JMJD1C: variants seen among roughly 807,000 people sequenced by gnomAD.
JMJD1C encodes jumonji domain-containing protein 1C.
Under a neutral mutation model 245.3 loss-of-function variants are expected in JMJD1C, and 31 were observed. That is an observed-to-expected ratio of 0.13 (90% CI 0.09 to 0.17). The LOEUF (loss-of-function observed/expected upper bound fraction) is 0.17. JMJD1C is among the 10% of genes least tolerant of loss of function. The pLI, the probability that JMJD1C is intolerant of heterozygous loss-of-function variation, is 1.00. For synonymous variants in JMJD1C, 1,057 were observed against 1,017.4 expected (o/e 1.04, Z -0.74); for missense variants, 2,691 against 3,000.2 (o/e 0.90, Z 2.41).
At chr10:63,203,752 G>A (rs964682208) in intron 10 of JMJD1C, 3 of 973,200 alleles carry the variant, frequency 3.1e-6, no homozygotes, top group African/African-American at 1.8e-5. Context: ...TAGCTTTAAT[G>A]TACTAAGAAA....
chr10:63,259,909 C>CT (rs1009789473), intron 3 of JMJD1C, among the ~76,000 whole-genome samples: 12 of 151,664 alleles, frequency 7.9e-5, no homozygotes, highest in African/African-American at 2.7e-4. Context: ...TGATACAGAA[C>CT]TTTTTTTTTG....
At chr10:63,480,532 G>A (rs1056573702) in intron 1 of JMJD1C, among the ~76,000 whole-genome samples, 6 of 151,532 alleles carry the variant, frequency 4.0e-5, no homozygotes, top group African/African-American at 1.2e-4. Flanking sequence ...TGGCACCCTA[G>A]AATGGCAGCA....
intron 2 of JMJD1C, among the ~76,000 whole-genome samples, chr10:63,298,672 C>A (rs1859713168): frequency 6.6e-6 from 1 of 152,140 alleles, no homozygotes; most frequent in African/African-American, 2.4e-5. Context: ...AACATTTCAA[C>A]CCGTAACATA....
rs192802189 is a variant in JMJD1C at position 63,395,323 on chromosome 10, A to C, written c.169-14841T>G. ...GAAACCCCGTCTCTACTAAAAATAC[A>C]AAAAATTAGCCGGGTGTGGTGGCGG... is the stretch of plus-strand genomic sequence containing the variant. On this transcript the variant is annotated intron_variant, in intron 1 of 25. Coordinates refer to ENST00000399262, the MANE Select transcript of JMJD1C (RefSeq NM_032776.3). Among the ~76,000 whole-genome samples the C allele has an allele frequency of 6.2e-3, 943 of 152,144 alleles. 3 individuals are homozygous for C. The highest frequency in any genetic ancestry group is 0.011 in the Admixed American group (169 of 15,272).
chr10:63,437,509 T>G (rs1156714876), intron 1 of JMJD1C, among the ~76,000 whole-genome samples: 1 of 152,222 alleles, frequency 6.6e-6, no homozygotes, highest in East Asian at 1.9e-4. Context: ...AAGACAGGGT[T>G]CTAGTAATTC....
chr10:63,419,269 T>C (rs2132723159), intron 1 of JMJD1C, among the ~76,000 whole-genome samples: 1 of 149,700 alleles, frequency 6.7e-6, no homozygotes, highest in African/African-American at 2.5e-5. Context: ...CGCCTGTAAT[T>C]CCAGCTACTC....
At chr10:63,220,745 A>G (rs546171023) in intron 3 of JMJD1C, among the ~76,000 whole-genome samples, 8 of 152,268 alleles carry the variant, frequency 5.3e-5, no homozygotes, top group African/African-American at 1.9e-4. Context: ...ATTTGAGATC[A>G]GCTGCAGGGA....
intron 2 of JMJD1C, among the ~76,000 whole-genome samples, chr10:63,302,727 C>T (rs1465613611): frequency 2.6e-5 from 4 of 152,194 alleles, no homozygotes; most frequent in African/African-American, 9.6e-5. Context: ...TTAGTGAAAG[C>T]TCTAGCACAA....
At chr10:63,369,383 A>ACC (rs374529169) in intron 2 of JMJD1C, among the ~76,000 whole-genome samples, 1 of 150,280 alleles carries the variant, frequency 6.7e-6, no homozygotes, top group African/African-American at 2.5e-5. Context: ...CTCAAGTGAT[A>ACC]CCCCCCACCT....
chr10:63,191,345 G>T (rs543214069), intron 16 of JMJD1C, among the ~76,000 whole-genome samples: 1 of 152,074 alleles, frequency 6.6e-6, no homozygotes, highest in Non-Finnish European at 1.5e-5. Flanking sequence ...TGTTGGTCAG[G>T]CTGGTCTTGA....
At chr10:63,173,333 G>T (rs1842563817) in intron 24 of JMJD1C, among the ~76,000 whole-genome samples, 1 of 152,144 alleles carries the variant, frequency 6.6e-6, no homozygotes. Flanking sequence ...AAAATGAGGA[G>T]AAAATCTGAG....
chr10:63,514,872 G>C (rs557675440), intron 1 of JMJD1C, among the ~76,000 whole-genome samples: 2 of 152,060 alleles, frequency 1.3e-5, no homozygotes, highest in African/African-American at 2.4e-5. Context: ...TGTTTGGTTT[G>C]GTCTCCTCAA....
chr10:63,189,509 C>T (rs1844506773), intron 17 of JMJD1C, 63 bp from the exon 18 acceptor site: 1 of 1,390,498 alleles, frequency 7.2e-7, no homozygotes, highest in African/African-American at 1.4e-5. Flanking sequence ...ACATTTTCCT[C>T]CCACAGACTT....
At chr10:63,170,491 T>C (rs1362683993) in intron 24 of JMJD1C, among the ~76,000 whole-genome samples, 1 of 152,212 alleles carries the variant, frequency 6.6e-6, no homozygotes, top group Admixed American at 6.5e-5. Flanking sequence ...TTGGGTGTGG[T>C]CACTGAAGTC....
At chr10:63,395,733 G>A (rs1049659278) in intron 1 of JMJD1C, among the ~76,000 whole-genome samples, 12 of 152,134 alleles carry the variant, frequency 7.9e-5, no homozygotes, top group African/African-American at 2.9e-4. Flanking sequence ...GGGACAAACT[G>A]TAGCAGATAA....
upstream of JMJD1C, among the ~76,000 whole-genome samples, chr10:63,466,758 G>C (rs976449597): frequency 6.6e-6 from 1 of 151,584 alleles, no homozygotes; most frequent in Admixed American, 6.6e-5. Flanking sequence ...GGAAAGAAAA[G>C]GATTTTAGCC....
rs1407179609 is a variant in JMJD1C at position 63,208,244 on chromosome 10, GATGTTA to G, written c.3419_3424del (p.Ile1140_Ser1142delinsThr). ...AATCAAAGGTGGAGGCTTTGAAAGA[GATGTTA>G]TAAATGAAGTCAGAGTTTGAGGATT... On this transcript the variant is annotated inframe_deletion, in exon 10 of 26. Coordinates refer to ENST00000399262, the MANE Select transcript of JMJD1C (RefSeq NM_032776.3). 1.9e-6 allele frequency: 3 copies of G among 1,613,970 alleles called. No individual in the cohort carries two copies. In the Admixed American group the frequency reaches 5.0e-5, roughly 27 times the overall value.
At chr10:63,205,422 T>C (rs1177531485) in intron 10 of JMJD1C, among the ~76,000 whole-genome samples, 1 of 152,132 alleles carries the variant, frequency 6.6e-6, no homozygotes. Flanking sequence ...CTACCATGGA[T>C]CAAAAATACT....
intron 3 of JMJD1C, among the ~76,000 whole-genome samples, chr10:63,226,288 A>C (rs561419220): frequency 6.6e-6 from 1 of 152,248 alleles, no homozygotes; most frequent in Non-Finnish European, 1.5e-5. Flanking sequence ...GTAAAAGAGA[A>C]GAAACCTCAC....
Sources: gnomAD v4.1 joint callset for allele counts (sites outside exome capture counted in the v4.1 genomes callset) on GRCh38, gnomAD v4.1.1 for gene constraint, MANE v1.5 for transcripts, NCBI Gene and HGNC (gene_info 2026-07-23, HGNC 2026-07-21) for gene names.